Variants in OLFM2 observed in about 807,000 individuals in gnomAD.
OLFM2 encodes the protein olfactomedin 2, also known as noelin-2.
Under a neutral mutation model 43.9 loss-of-function variants are expected in OLFM2, and 20 were observed. That is an observed-to-expected ratio of 0.46 (90% confidence interval 0.32 to 0.66). The LOEUF (loss-of-function observed/expected upper bound fraction) is 0.66, where lower values mean the gene tolerates loss of function less well. Ranked by LOEUF, OLFM2 falls within the 30% of genes least tolerant of loss-of-function variation. OLFM2 has a pLI of 0.04. For missense variants in OLFM2, 416 were observed against 643.6 expected (o/e 0.65, Z 3.83); for synonymous variants, 268 against 278.6 (o/e 0.96, Z 0.38).
intron 1 of OLFM2, among the ~76,000 whole-genome samples, chr19:9,875,915 G>C (rs1312086644): frequency 1.3e-5 from 2 of 152,046 alleles, no homozygotes; most frequent in Admixed American, 6.6e-5. Flanking sequence ...AACATTAGCT[G>C]GTCAGAAGTG....
intron 1 of OLFM2, among the ~76,000 whole-genome samples, chr19:9,891,770 T>G (rs1454272246): frequency 6.6e-6 from 1 of 152,146 alleles, no homozygotes; most frequent in Non-Finnish European, 1.5e-5. Flanking sequence ...GCTGTTTTGT[T>G]ATACAGCAAA....
At chr19:9,911,209 G>C (rs1221180671) in intron 1 of OLFM2, among the ~76,000 whole-genome samples, 2 of 152,262 alleles carry the variant, frequency 1.3e-5, no homozygotes, top group East Asian at 1.9e-4. Context: ...CAGAGTCATA[G>C]AGCAAGTTGG....
Position 9,854,755 on chromosome 19 carries a change from A to G in OLFM2, c.796T>C (p.Trp266Arg), listed in dbSNP as rs2046301047. The G allele has an allele frequency of 6.2e-7, 1 of 1,613,610 alleles. No homozygotes were observed. Among genetic ancestry groups the G allele is most frequent in the Non-Finnish European group, 8.5e-7 (1 of 1,179,686 alleles). Residue 266 changes from tryptophan to arginine, a missense_variant, in exon 6 of 6, where the codon TGG (tryptophan) becomes CGG (arginine). By Grantham distance (101) the Trp-to-Arg change is moderately radical. Coordinates refer to ENST00000264833, the MANE Select transcript of OLFM2 (RefSeq NM_058164.4). The surrounding 1 kb of genome is among the most constrained non-coding windows in gnomAD (Gnocchi z 9.5). ...TACACCACGTGGCCCGTGCCCGCCC[A>G]CGGCTGGGGCAGCAGGTGCTGGATA... ...NFIQHLLPQPWAGTGHVVYNG... is the reference protein window; with the variant it reads ...NFIQHLLPQPRAGTGHVVYNG...
At position 9,936,345 on chromosome 19, in the gene OLFM2, G is replaced by A. The variant is rs1030379633; in HGVS notation, c.22C>T (p.Pro8Ser). The A allele has an allele frequency of 5.3e-6, 8 of 1,503,864 alleles. No homozygotes were observed. Among genetic ancestry groups the A allele is most frequent in the Admixed American group, 2.1e-5 (1 of 48,532 alleles). 93.2% of individuals were successfully genotyped at this position (1,503,864 alleles called of 1,614,324 possible). A position where few individuals can be genotyped will look rare whatever the true frequency, so the allele number is the denominator to read the frequency against. MWPLTVP[P>S]PLLLLLCSGL... is the part of the protein sequence containing the mutation. ...GAGCACAGCAGCAGCAGCAGCGGCG[G>A]CGGGACCGTGAGCGGCCACATGACG... is the stretch of plus-strand genomic sequence containing the variant. Residue 8 changes from proline (P) to serine (S), a missense_variant, in exon 1 of 6, where the codon CCG becomes TCG. Coordinates refer to ENST00000264833, the MANE Select transcript of OLFM2 (RefSeq NM_058164.4).
intron 1 of OLFM2, among the ~76,000 whole-genome samples, chr19:9,862,556 C>G (rs1227270694): frequency 6.6e-6 from 1 of 151,920 alleles, no homozygotes; most frequent in Non-Finnish European, 1.5e-5. Flanking sequence ...TGGCATGCAC[C>G]TGTGGTCCCA....
chr19:9,877,294 G>A (rs1211889630), intron 1 of OLFM2, among the ~76,000 whole-genome samples: 2 of 150,932 alleles, frequency 1.3e-5, no homozygotes, highest in East Asian at 3.9e-4. Context: ...AGCACTTTGG[G>A]AGGCTGAGGC....
rs192741826 is a variant in OLFM2 at position 9,895,443 on chromosome 19, C to T, written c.64-34649G>A. Reference sequence around the variant, plus strand: ...CTGAGAAGTCAAGGCTTCAGTGAGCCGTGATCACACCACTACACTCCAGCC... The same window carrying T: ...CTGAGAAGTCAAGGCTTCAGTGAGCTGTGATCACACCACTACACTCCAGCC... On this transcript the variant is annotated intron_variant, in intron 1 of 5. Coordinates refer to ENST00000264833, the MANE Select transcript of OLFM2 (RefSeq NM_058164.4). Among the ~76,000 whole-genome samples, 18 of 151,608 alleles carry T rather than the reference C, an allele frequency of 1.2e-4. No individual in the cohort carries two copies. The East Asian group carries it at 2.9e-3, about 25-fold the overall frequency.
chr19:9,919,615 G>A (rs1398400033), intron 1 of OLFM2, among the ~76,000 whole-genome samples: 3 of 151,876 alleles, frequency 2.0e-5, no homozygotes, highest in Non-Finnish European at 4.4e-5. Context: ...CTGAGTAGCT[G>A]GGATTACAGG....
intron 1 of OLFM2, among the ~76,000 whole-genome samples, chr19:9,879,747 G>A (rs1313039604): frequency 6.7e-6 from 1 of 148,966 alleles, no homozygotes; most frequent in Non-Finnish European, 1.5e-5. Context: ...ATTTTTAAGA[G>A]CCTGGGCTAT....
intron 1 of OLFM2, among the ~76,000 whole-genome samples, chr19:9,898,505 A>G (rs1279101314): frequency 2.0e-5 from 3 of 148,934 alleles, no homozygotes; most frequent in Non-Finnish European, 4.4e-5. Context: ...CTGAGCAACA[A>G]TGAGACTCCG....
intron 1 of OLFM2, among the ~76,000 whole-genome samples, chr19:9,884,969 C>T (rs1186823053): frequency 6.6e-6 from 1 of 152,208 alleles, no homozygotes. Context: ...TCTGTCTGCT[C>T]TCTTCCTCCT....
Position 9,929,563 on chromosome 19 carries a change from G to A in OLFM2, c.63+6741C>T, listed in dbSNP as rs536028089. On this transcript the variant is annotated intron_variant, in intron 1 of 5. Transcript: ENST00000264833. The stretch of plus-strand genomic sequence containing the variant: ...GTGAGCCGAGATTGCACCACTTCAC[G>A]CCAGCCTGGGCGACAGAGTGAGACC... Among the ~76,000 whole-genome samples the A allele has an allele frequency of 3.3e-4, 50 of 150,618 alleles. No homozygotes were observed. In the Middle Eastern group the frequency reaches 0.021, roughly 63 times the overall value.
At position 9,864,787 on chromosome 19, in the gene OLFM2, C is replaced by CTTT. The variant is rs34810133; in HGVS notation, c.64-3996_64-3994dup. 3.0e-3 allele frequency among the ~76,000 whole-genome samples: 289 copies of CTTT among 97,566 alleles called. 8 individuals carry two copies. The highest frequency in any genetic ancestry group is 0.014 in the East Asian group (45 of 3,156). 64.0% of individuals were successfully genotyped at this position (97,566 alleles called of 152,430 possible). A position where few individuals can be genotyped will look rare whatever the true frequency, so the allele number is the denominator to read the frequency against. On this transcript the variant is annotated intron_variant, in intron 1 of 5. Coordinates refer to ENST00000264833, the MANE Select transcript of OLFM2 (RefSeq NM_058164.4). Reference sequence around the variant, plus strand: ...TACAGGCAGGTACCAACACACCCAGCTTTTTTTTTTTTTTTTTTTTCCTTT... The same window carrying CTTT: ...TACAGGCAGGTACCAACACACCCAGCTTTTTTTTTTTTTTTTTTTTTTTCCTTT...
chr19:9,894,972 C>T (rs995239648), intron 1 of OLFM2, among the ~76,000 whole-genome samples: 4 of 152,112 alleles, frequency 2.6e-5, no homozygotes, highest in African/African-American at 9.7e-5. Context: ...AACTGAAGTG[C>T]ACAGCCTTCC....
intron 1 of OLFM2, among the ~76,000 whole-genome samples, chr19:9,930,004 C>T (rs997434501): frequency 6.6e-6 from 1 of 151,886 alleles, no homozygotes; most frequent in African/African-American, 2.4e-5. Context: ...GCGCCACTGA[C>T]CTCCAGCCTG....
intron 1 of OLFM2, among the ~76,000 whole-genome samples, chr19:9,894,376 C>CAATAATAAT (rs528905230): frequency 0.06 from 7,117 of 118,134 alleles, 286 homozygotes; most frequent in Middle Eastern, 0.091. Context: ...GACTCTCTCT[C>CAATAATAAT]AATAATAATA....
At chr19:9,858,055 AC>A in intron 2 of OLFM2, 194 bp from the exon 3 acceptor site, 1 of 672,474 alleles carries the variant, frequency 1.5e-6, no homozygotes, top group Non-Finnish European at 2.7e-6. Context: ...CCTCCCTACT[AC>A]CCACTGGCTC....
chr19:9,912,418 T>G (rs747259455), intron 1 of OLFM2, among the ~76,000 whole-genome samples: 7 of 150,662 alleles, frequency 4.6e-5, no homozygotes, highest in Non-Finnish European at 1.0e-4. Context: ...CAAGGGAGGG[T>G]TGGTGAAGTT....
intron 1 of OLFM2, among the ~76,000 whole-genome samples, chr19:9,933,623 G>T (rs11673575): frequency 0.31 from 43,190 of 137,896 alleles, 7,837 homozygotes; most frequent in African/African-American, 0.53. Flanking sequence ...AATGGCGATC[G>T]CAGCTCACCG....
Sources: gnomAD v4.1 joint callset for allele counts (sites outside exome capture counted in the v4.1 genomes callset) on GRCh38, gnomAD v4.1.1 for gene constraint, Gnocchi (gnomAD v3.1) non-coding constraint, MANE v1.5 for transcripts, NCBI Gene and HGNC (gene_info 2026-07-23, HGNC 2026-07-21) for gene names.